The following SLC36A3 variants were observed in gnomAD, a reference collection of about 807,000 sequenced individuals.
The protein encoded by SLC36A3 is solute carrier family 36 member 3.
SLC36A3 carries 35 observed loss-of-function variants against 44.3 expected under a neutral mutation model. That is an observed-to-expected ratio of 0.79 (90% CI 0.60 to 1.05). The LOEUF (loss-of-function observed/expected upper bound fraction) is 1.05. Among genes scored for constraint, SLC36A3 ranks in the 50% least tolerant of loss-of-function variants. SLC36A3 has a pLI of 0.00. For synonymous variants in SLC36A3, 211 were observed against 227.6 expected, an observed-to-expected ratio of 0.93 and a Z score of 0.66; for missense variants, 540 against 578.7, an observed-to-expected ratio of 0.93 and a Z score of 0.69.
At chr5:151,299,225 G>GCTCGCTCTCT (rs1302695028) in intron 1 of SLC36A3, among the ~76,000 whole-genome samples, 6 of 92,384 alleles carry the variant, frequency 6.5e-5, no homozygotes, top group South Asian at 4.1e-4. Context: ...TTGCTTGTGC[G>GCTCGCTCTCT]CTCTCTCTCT....
In SLC36A3 at chr5:151,298,774, G is replaced by A. The variant is rs144373947; in HGVS notation, c.129-91C>T. 6.3e-3 allele frequency: 8,445 copies of A among 1,342,096 alleles called. 52 individuals carry two copies. The highest frequency in any genetic ancestry group is 7.8e-3 in the Non-Finnish European group (7,383 of 947,176). The allele number at this position is 1,342,096 out of a possible 1,614,324, so 83.1% of individuals were successfully genotyped here. A position where few individuals can be genotyped will look rare whatever the true frequency, so the allele number is the denominator to read the frequency against. ...AGCCTCCTTCTGGCATCTCCAGAGC[G>A]CCTGATAGGAAGAGGGGCAAAACCT... On this transcript the variant is annotated intron_variant, in intron 1 of 9. Transcript: ENST00000335230.
intron 4 of SLC36A3, among the ~76,000 whole-genome samples, chr5:151,290,305 G>T (rs1266308701): frequency 2.5e-4 from 38 of 152,122 alleles, no homozygotes; most frequent in Non-Finnish European, 4.4e-5. Flanking sequence ...CAGGCTCCTG[G>T]TTCTCATATC....
At chr5:151,284,259 G>A in intron 7 of SLC36A3, 49 bp from the exon 8 acceptor site, 1 of 1,550,416 alleles carries the variant, frequency 6.4e-7, no homozygotes, top group Non-Finnish European at 8.7e-7. Context: ...AAGAGATGTG[G>A]CCCATTGTGA....
At chr5:151,290,312 T>C (rs566369710) in intron 4 of SLC36A3, among the ~76,000 whole-genome samples, 1 of 152,336 alleles carries the variant, frequency 6.6e-6, no homozygotes, top group African/African-American at 2.4e-5. Context: ...CTGGTTCTCA[T>C]ATCATCCTAT....
At chr5:151,293,955 C>T (rs1754858609) in intron 3 of SLC36A3, among the ~76,000 whole-genome samples, 1 of 152,274 alleles carries the variant, frequency 6.6e-6, no homozygotes, top group South Asian at 2.1e-4. Context: ...CCATGTCCCT[C>T]TTTCTCAACC....
chr5:151,286,236 T>TCTGGA (rs1754530983), intron 6 of SLC36A3, among the ~76,000 whole-genome samples: 1 of 152,244 alleles, frequency 6.6e-6, no homozygotes, highest in African/African-American at 2.4e-5. Context: ...CTCCCGTGGA[T>TCTGGA]ACCAAATCTG....
intron 2 of SLC36A3, 55 bp from the exon 3 acceptor site, chr5:151,296,323 C>T: frequency 1.4e-6 from 2 of 1,475,024 alleles, no homozygotes; most frequent in South Asian, 1.2e-5. Flanking sequence ...CTCCCATTCC[C>T]TGGCCCTCTC....
chr5:151,284,332 G>T, intron 7 of SLC36A3, 122 bp from the exon 8 acceptor site: 1 of 968,684 alleles, frequency 1.0e-6, no homozygotes. Flanking sequence ...TCAGAAAGGG[G>T]ACTCTCCACA....
intron 5 of SLC36A3, 90 bp downstream of exon 5, chr5:151,288,296 C>G: frequency 1.0e-6 from 1 of 972,102 alleles, no homozygotes; most frequent in South Asian, 2.2e-5. Context: ...TTCTCTCCTC[C>G]CATGAGCCTA....
Position 151,277,606 on chromosome 5 carries a change from G to A in SLC36A3, c.1200C>T (p.Ser400=), listed in dbSNP as rs922943163. Residue 400 remains serine, a synonymous_variant, in exon 10 of 10, where the codon TCC becomes TCT. Transcript: ENST00000335230. ...TGAGAGCCAGGGCGCTGCTGCTCAC[G>A]GAGCCTACCAGGGAGATGACCAAGT... The part of the protein sequence containing the change: ...RLDLVISLVG[S]VSSSALALII... The A allele has an allele frequency of 5.0e-6, 8 of 1,614,030 alleles. No homozygotes were observed. The Admixed American group carries it at 5.0e-5, about 10-fold the overall frequency.
At chr5:151,298,457 G>T in intron 2 of SLC36A3, 136 bp downstream of exon 2, 1 of 800,482 alleles carries the variant, frequency 1.2e-6, no homozygotes. Context: ...CCAGGGGATT[G>T]ATGCCAACAG....
At chr5:151,298,930 G>C (rs1223204547) in intron 1 of SLC36A3, among the ~76,000 whole-genome samples, 1 of 152,092 alleles carries the variant, frequency 6.6e-6, no homozygotes, top group Admixed American at 6.5e-5. Context: ...AATAAAAATT[G>C]CTACCATTCT....
intron 9 of SLC36A3, among the ~76,000 whole-genome samples, chr5:151,280,279 C>A (rs1456315008): frequency 6.6e-6 from 1 of 152,070 alleles, no homozygotes; most frequent in African/African-American, 2.4e-5. Flanking sequence ...CGTGATGAAA[C>A]CCCGTCTCTA....
rs1754963318 is a variant in SLC36A3 at position 151,296,450 on chromosome 5, G to A, written c.220-182C>T. The A allele has an allele frequency of 4.8e-6, 3 of 619,438 alleles. No individual in the cohort carries two copies. The East Asian group carries it at 8.3e-5, about 17-fold the overall frequency. The allele number at this position is 619,438 out of a possible 1,614,324, so 38.4% of individuals were successfully genotyped here. ...TTTGAATGCTCTTCTTAGCATCCCTGTAGAGTGGCTGCCCAACTTCTGCTA... is the reference window on the plus strand; with the variant it reads ...TTTGAATGCTCTTCTTAGCATCCCTATAGAGTGGCTGCCCAACTTCTGCTA... On this transcript the variant is annotated intron_variant, in intron 2 of 9. Transcript: ENST00000335230.
intron 6 of SLC36A3, among the ~76,000 whole-genome samples, chr5:151,286,214 A>G (rs1754529316): frequency 6.6e-6 from 1 of 152,206 alleles, no homozygotes; most frequent in South Asian, 2.1e-4. Flanking sequence ...GGGAGAACTA[A>G]TGTTCCAGGA....
chr5:151,284,277 GGT>G, intron 7 of SLC36A3, 67 bp from the exon 8 acceptor site: 48 of 1,396,658 alleles, frequency 3.4e-5, no homozygotes, highest in Non-Finnish European at 4.4e-5. Flanking sequence ...TGAAGGAGAG[GGT>G]TCCCGTACAA....
chr5:151,293,362 A>G lies in SLC36A3; in HGVS notation c.404+2T>C. ...TACTACTACAACATCTGTGACTACT[A>G]CCTTCCCCACACTGCATGGGCCCTC... On this transcript the variant is annotated splice_donor_variant, in intron 4 of 9. Coordinates refer to ENST00000335230, the MANE Select transcript of SLC36A3 (RefSeq NM_181774.4). LOFTEE classifies it high-confidence loss of function. 3 of 1,610,768 alleles carry G rather than the reference A, an allele frequency of 1.9e-6. No homozygotes were observed. Among genetic ancestry groups the G allele is most frequent in the Non-Finnish European group, 2.5e-6 (3 of 1,177,850 alleles).
rs3051898 is a variant in SLC36A3 at position 151,299,372 on chromosome 5, GATATAT to G, written c.129-695_129-690del. On this transcript the variant is annotated intron_variant, in intron 1 of 9. Transcript: ENST00000335230. ...CAAAGTAGAGTCAGATGAGCATGGT[GATATAT>G]ATATATATATATATATTATATATAT... Among the ~76,000 whole-genome samples the G allele has an allele frequency of 2.6e-3, 351 of 136,544 alleles. 3 individuals carry two copies. Among genetic ancestry groups the G allele is most frequent in the African/African-American group, 5.5e-3 (204 of 37,350 alleles). 89.6% of individuals were successfully genotyped at this position (136,544 alleles called of 152,430 possible).
chr5:151,288,354 TC>T, intron 5 of SLC36A3, 31 bp downstream of exon 5: 3 of 1,534,304 alleles, frequency 2.0e-6, no homozygotes, highest in Admixed American at 1.8e-5. Context: ...GGTCTGCTTT[TC>T]CCCCACTCTG....
Sources: allele counts gnomAD v4.1 joint callset (sites outside exome capture counted in the v4.1 genomes callset), GRCh38; gene constraint gnomAD v4.1.1; transcripts MANE v1.5; gene names NCBI Gene and HGNC (gene_info 2026-07-23, HGNC 2026-07-21).